Variants in GDA observed in about 807,000 individuals in gnomAD.
GDA encodes cytoplasmic PSD-95 interactor.
In GDA, 18 loss-of-function variants were observed where a neutral mutation model predicts 59.6. The observed-to-expected ratio is 0.30, with a 90% CI of 0.21 to 0.45. The LOEUF (loss-of-function observed/expected upper bound fraction) is 0.45. Among genes scored for constraint, GDA ranks in the 20% least tolerant of loss-of-function variants. The pLI is 1.00. For synonymous variants in GDA, 201 were observed against 201.1 expected (o/e 1.00, Z 0.00); for missense variants, 427 against 552.3 (o/e 0.77, Z 2.27).
At chr9:72,222,900 T>A (rs1587709081) in intron 6 of GDA, among the ~76,000 whole-genome samples, 3 of 152,048 alleles carry the variant, frequency 2.0e-5, no homozygotes, top group Admixed American at 6.6e-5. Context: ...AGAGACAGGG[T>A]TTCTCCATGT....
At chr9:72,229,124 AG>A (rs1260245109) in intron 9 of GDA, 2 of 146,556 alleles carry the variant, frequency 1.4e-5, no homozygotes, top group African/African-American at 5.2e-5. Context: ...TCACGAGGTC[AG>A]GAGATCGAGA....
intron 1 of GDA, among the ~76,000 whole-genome samples, chr9:72,160,923 C>A (rs982185192): frequency 1.4e-4 from 21 of 152,190 alleles, no homozygotes; most frequent in African/African-American, 4.8e-4. Context: ...GAGGTCATTG[C>A]TGACATAGCT....
intron 10 of GDA, among the ~76,000 whole-genome samples, chr9:72,235,814 T>G (rs1838925782): frequency 6.6e-6 from 1 of 152,010 alleles, no homozygotes; most frequent in Admixed American, 6.5e-5. Context: ...ACCTCCTATG[T>G]GAAATATGAA....
chr9:72,249,578 CA>C lies in GDA; in HGVS notation c.*1239del. The stretch of plus-strand genomic sequence containing the variant: ...CTAGACATCTAGGAACATTACAAAG[CA>C]AAGACTATTTTTATGCTTCCATAAC... On this transcript the variant is annotated 3_prime_UTR_variant, in exon 14 of 14. Coordinates refer to ENST00000358399, the MANE Select transcript of GDA (RefSeq NM_004293.5). 6.3e-6 allele frequency: 4 copies of C among 631,442 alleles called. No homozygotes were observed. The highest frequency in any genetic ancestry group is 7.9e-6 in the Non-Finnish European group (4 of 507,206). 39.1% of individuals were successfully genotyped at this position (631,442 alleles called of 1,614,324 possible). A position where few individuals can be genotyped will look rare whatever the true frequency, so the allele number is the denominator to read the frequency against.
At chr9:72,125,432 T>TG (rs1476904578) in intron 1 of GDA, among the ~76,000 whole-genome samples, 2 of 146,344 alleles carry the variant, frequency 1.4e-5, no homozygotes, top group Non-Finnish European at 3.0e-5. Flanking sequence ...CACGACACAC[T>TG]GCAACCTTGA....
Position 72,249,008 on chromosome 9 carries a change from A to C in GDA, c.*666A>C. On this transcript the variant is annotated 3_prime_UTR_variant, in exon 14 of 14. Transcript: ENST00000358399. ...GAAATTGAATGCCACATGCTTTCAT[A>C]ATATAGTTTTGTGCTTCAAAGTGTT... is the stretch of plus-strand genomic sequence containing the variant. 1.0e-6 allele frequency: 1 copy of C among 985,038 alleles called. No homozygotes were observed. Among genetic ancestry groups the C allele is most frequent in the Non-Finnish European group, 1.2e-6 (1 of 829,200 alleles). The allele number at this position is 985,038 out of a possible 1,614,324, so 61.0% of individuals were successfully genotyped here. A position where few individuals can be genotyped will look rare whatever the true frequency, so the allele number is the denominator to read the frequency against.
At chr9:72,145,615 G>A (rs542309662), upstream of GDA, among the ~76,000 whole-genome samples, 2 of 152,272 alleles carry the variant, frequency 1.3e-5, no homozygotes, top group South Asian at 4.1e-4. Flanking sequence ...TCATGCTATG[G>A]TCTAGGTTTT....
chr9:72,156,654 T>G (rs541211363), intron 1 of GDA, among the ~76,000 whole-genome samples: 1 of 152,336 alleles, frequency 6.6e-6, no homozygotes, highest in African/African-American at 2.4e-5. Flanking sequence ...CTCTTTTTCC[T>G]TATTAACACC....
At chr9:72,245,107 T>C in intron 11 of GDA, 41 bp from the exon 12 acceptor site, 2 of 1,608,374 alleles carry the variant, frequency 1.2e-6, no homozygotes, top group Non-Finnish European at 1.7e-6. Context: ...TGTGGTCTGA[T>C]GGCTTGCAAT....
At chr9:72,145,190 T>A (rs1826584854), upstream of GDA, among the ~76,000 whole-genome samples, 1 of 152,190 alleles carries the variant, frequency 6.6e-6, no homozygotes. Flanking sequence ...CCCTTTAGTT[T>A]TACTGCAGGC....
intron 1 of GDA, among the ~76,000 whole-genome samples, chr9:72,124,812 G>A (rs1825788815): frequency 6.6e-6 from 1 of 152,116 alleles, no homozygotes; most frequent in Admixed American, 6.5e-5. Context: ...GTTTCACCAT[G>A]GTGGTCAGGC....
At position 72,248,557 on chromosome 9, in the gene GDA, A is replaced by C. The variant is rs1840390646; in HGVS notation, c.*215A>C. On this transcript the variant is annotated 3_prime_UTR_variant, in exon 14 of 14. Coordinates refer to ENST00000358399, the MANE Select transcript of GDA (RefSeq NM_004293.5). ...GAGGGTTCATAAATTTCATGAAAATATCTCCCTTTGGAGCTGCTCAGACTT... is the reference window on the plus strand; with the variant it reads ...GAGGGTTCATAAATTTCATGAAAATCTCTCCCTTTGGAGCTGCTCAGACTT... The C allele has an allele frequency of 8.7e-6, 12 of 1,372,648 alleles. No homozygotes were observed. The East Asian group carries it at 3.4e-4, about 38-fold the overall frequency. 85.0% of individuals were successfully genotyped at this position (1,372,648 alleles called of 1,614,324 possible). A position where few individuals can be genotyped will look rare whatever the true frequency, so the allele number is the denominator to read the frequency against.
intron 10 of GDA, among the ~76,000 whole-genome samples, chr9:72,238,542 A>G (rs766631928): frequency 1.3e-5 from 2 of 152,264 alleles, no homozygotes; most frequent in Non-Finnish European, 2.9e-5. Context: ...CAAGGAGTGT[A>G]GTAAATGATT....
chr9:72,202,825 A>T, intron 3 of GDA, 83 bp downstream of exon 3: 1 of 1,107,076 alleles, frequency 9.0e-7, no homozygotes, highest in Non-Finnish European at 1.3e-6. Context: ...TAAATTATAA[A>T]GCATAAGCAG....
At chr9:72,255,720 A>G (rs1441054383), downstream of GDA, among the ~76,000 whole-genome samples, 8 of 152,218 alleles carry the variant, frequency 5.3e-5, no homozygotes, top group South Asian at 2.1e-4. Flanking sequence ...CATGCTATCC[A>G]TCCCGTAAAA....
In GDA at chr9:72,198,862, A is replaced by ATATATATATAT. The variant is rs1564025002; in HGVS notation, c.212+3274_212+3275insTATATATATAT. On this transcript the variant is annotated intron_variant, in intron 2 of 13. Transcript: ENST00000358399. The stretch of plus-strand genomic sequence containing the variant: ...ATATAGGGGGATATATATATATATA[A>ATATATATATAT]AATTTTTTTTGCTCAGGTTATGATA... Among the ~76,000 whole-genome samples the ATATATATATAT allele has an allele frequency of 2.6e-4, 24 of 91,786 alleles. 1 individual carries two copies. Among genetic ancestry groups the ATATATATATAT allele is most frequent in the African/African-American group, 8.5e-4 (22 of 25,790 alleles). 60.2% of individuals were successfully genotyped at this position (91,786 alleles called of 152,430 possible).
intron 3 of GDA, among the ~76,000 whole-genome samples, chr9:72,208,858 A>G (rs552166622): frequency 9.9e-5 from 15 of 152,280 alleles, no homozygotes; most frequent in African/African-American, 3.4e-4. Flanking sequence ...ATTTTTTGCA[A>G]GTACTTAATT....
intron 1 of GDA, among the ~76,000 whole-genome samples, chr9:72,194,433 T>G (rs1832911300): frequency 6.6e-6 from 1 of 152,118 alleles, no homozygotes; most frequent in South Asian, 2.1e-4. Context: ...AAAGACAGTC[T>G]CACACCCCTG....
At chr9:72,155,261 A>G (rs1827756186) in intron 1 of GDA, among the ~76,000 whole-genome samples, 1 of 152,256 alleles carries the variant, frequency 6.6e-6, no homozygotes. Flanking sequence ...AAAAAGCGGA[A>G]ACTCCTGATA....
Sources: gnomAD v4.1 joint callset for allele counts (sites outside exome capture counted in the v4.1 genomes callset) on GRCh38, gnomAD v4.1.1 for gene constraint, MANE v1.5 for transcripts, NCBI Gene and HGNC (gene_info 2026-07-23, HGNC 2026-07-21) for gene names.